OSBP2: variants seen among roughly 807,000 people sequenced by gnomAD.
OSBP2 encodes oxysterol-binding protein 2.
A neutral mutation model predicts 96.0 loss-of-function variants in OSBP2; 66 were observed. That is an observed-to-expected ratio of 0.69 (90% CI 0.56 to 0.84). OSBP2 has a LOEUF of 0.84. Among genes scored for constraint, OSBP2 ranks in the 40% least tolerant of loss-of-function variants. The pLI is 0.00. For missense variants in OSBP2, 1,038 were observed against 1,222.7 expected, an observed-to-expected ratio of 0.85 and a Z score of 2.25; for synonymous variants, 525 against 520.9, an observed-to-expected ratio of 1.01 and a Z score of -0.11.
In OSBP2 at chr22:30,741,924, A is replaced by G. The variant is rs547843590; in HGVS notation, c.853+555A>G. On this transcript the variant is annotated intron_variant, in intron 2 of 13. Coordinates refer to ENST00000332585, the MANE Select transcript of OSBP2 (RefSeq NM_030758.4). ...AACCTCTGCCTTCCGTGTTCAAGCAATTATCCTGCCTTAGCCTCCCAAGTA... is the reference window on the plus strand; with the variant it reads ...AACCTCTGCCTTCCGTGTTCAAGCAGTTATCCTGCCTTAGCCTCCCAAGTA... 4.6e-4 allele frequency among the ~76,000 whole-genome samples: 69 copies of G among 150,086 alleles called. 1 individual carries two copies. The South Asian group carries it at 0.014, about 31-fold the overall frequency.
At chr22:30,789,326 A>G (rs2090640719) in intron 2 of OSBP2, among the ~76,000 whole-genome samples, 1 of 152,082 alleles carries the variant, frequency 6.6e-6, no homozygotes, top group Non-Finnish European at 1.5e-5. Context: ...GACAAGAGAG[A>G]GGGGGCCTGA....
intron 2 of OSBP2, among the ~76,000 whole-genome samples, chr22:30,783,311 T>TC (rs1343339037): frequency 4.0e-5 from 5 of 125,940 alleles, no homozygotes; most frequent in Non-Finnish European, 8.4e-5. Context: ...GCTTTTTTTT[T>TC]TTTTTTTTTT....
chr22:30,709,663 G>A lies in OSBP2; in HGVS notation c.644+14110G>A, dbSNP rs2089313166. On this transcript the variant is annotated intron_variant, in intron 1 of 13. Coordinates refer to ENST00000332585, the MANE Select transcript of OSBP2 (RefSeq NM_030758.4). ...CCTGAAGTGCTGAGATTACAGGCAT[G>A]AGCCACCGCACCTGGCCAAATTAGT... is the stretch of plus-strand genomic sequence containing the variant. 3.3e-5 allele frequency among the ~76,000 whole-genome samples: 5 copies of A among 151,834 alleles called. No homozygotes were observed. In the South Asian group the frequency reaches 1.0e-3, roughly 32 times the overall value.
chr22:30,874,193 C>T (rs1306819625), intron 3 of OSBP2, among the ~76,000 whole-genome samples: 1 of 152,120 alleles, frequency 6.6e-6, no homozygotes, highest in African/African-American at 2.4e-5. Context: ...GCCAAGATCG[C>T]ACCACTGCAT....
intron 1 of OSBP2, among the ~76,000 whole-genome samples, chr22:30,734,288 G>A (rs2089820724): frequency 6.6e-6 from 1 of 152,164 alleles, no homozygotes; most frequent in Non-Finnish European, 1.5e-5. Context: ...TTTTGGATAT[G>A]AGCCCTGATG....
At chr22:30,754,418 G>A (rs1167505721) in intron 2 of OSBP2, among the ~76,000 whole-genome samples, 1 of 152,176 alleles carries the variant, frequency 6.6e-6, no homozygotes, top group Non-Finnish European at 1.5e-5. Context: ...CAGATGCAGG[G>A]AACTCAGAGA....
intron 2 of OSBP2, among the ~76,000 whole-genome samples, chr22:30,796,572 C>A (rs184421857): frequency 6.6e-6 from 1 of 152,156 alleles, no homozygotes; most frequent in Admixed American, 6.5e-5. Context: ...GTGATACGAT[C>A]TCAGTTTACT....
chr22:30,787,475 C>A (rs1228576906), intron 2 of OSBP2, among the ~76,000 whole-genome samples: 2 of 152,144 alleles, frequency 1.3e-5, no homozygotes, highest in East Asian at 3.9e-4. Flanking sequence ...GAGTTCCAGA[C>A]CAGCATGACC....
intron 1 of OSBP2, among the ~76,000 whole-genome samples, chr22:30,713,079 AT>A (rs136387): frequency 0.8 from 98,230 of 123,326 alleles, 38,755 homozygotes; most frequent in East Asian, 0.97. Context: ...CACTTGGCTA[AT>A]TTTTTTTTTT....
chr22:30,793,094 A>G (rs1021973331), intron 2 of OSBP2, among the ~76,000 whole-genome samples: 6 of 152,238 alleles, frequency 3.9e-5, no homozygotes, highest in Admixed American at 3.9e-4. Flanking sequence ...GGTTGACTTG[A>G]AAAAGGATTT....
At position 30,713,461 on chromosome 22, in the gene OSBP2, G is replaced by GTTATTTATTTAT. The variant is rs71328864; in HGVS notation, c.644+17916_644+17927dup. ...AAGTATTTTATTTTATTTTTAAAAT[G>GTTATTTATTTAT]TTATTTATTTATTTATTTAGACAGG... On this transcript the variant is annotated intron_variant, in intron 1 of 13. Coordinates refer to ENST00000332585, the MANE Select transcript of OSBP2 (RefSeq NM_030758.4). Among the ~76,000 whole-genome samples, 585 of 149,862 alleles carry GTTATTTATTTAT rather than the reference G, an allele frequency of 3.9e-3. 1 individual carries two copies. Among genetic ancestry groups the GTTATTTATTTAT allele is most frequent in the Non-Finnish European group, 6.2e-3 (418 of 67,462 alleles).
chr22:30,814,113 G>A (rs574372618), intron 2 of OSBP2, among the ~76,000 whole-genome samples: 2 of 152,144 alleles, frequency 1.3e-5, no homozygotes, highest in Admixed American at 6.5e-5. Flanking sequence ...TTGAGTGCCC[G>A]CCTGTGCTGG....
chr22:30,893,555 T>G lies in OSBP2; in HGVS notation c.2083T>G (p.Trp695Gly). ...TCACAACATCATCGTGGGCAAGCTCTGGATCGACCAGGTCAGGGGCGCCCT... is the reference window on the plus strand; with the variant it reads ...TCACAACATCATCGTGGGCAAGCTCGGGATCGACCAGGTCAGGGGCGCCCT... ...TVHNIIVGKL[W>G]IDQSGDIEIV... Residue 695 changes from tryptophan to glycine, a missense_variant, in exon 10 of 14, where the codon TGG becomes GGG. By Grantham distance (184) the Trp-to-Gly change is radical. This residue lies in a region of OSBP2 where 737 missense variants were observed against 913.3 expected (regional missense o/e 0.81). Coordinates refer to ENST00000332585, the MANE Select transcript of OSBP2 (RefSeq NM_030758.4). 4.3e-6 allele frequency: 7 copies of G among 1,612,828 alleles called. No individual in the cohort carries two copies. Among genetic ancestry groups the G allele is most frequent in the South Asian group, 1.1e-5 (1 of 91,064 alleles).
intron 12 of OSBP2, among the ~76,000 whole-genome samples, chr22:30,900,122 C>T (rs983948712): frequency 6.6e-6 from 1 of 152,002 alleles, no homozygotes; most frequent in African/African-American, 2.4e-5. Context: ...GGCGTGGCGG[C>T]GCATGCCTGT....
intron 2 of OSBP2, among the ~76,000 whole-genome samples, chr22:30,855,217 G>A (rs1476587589): frequency 6.6e-6 from 1 of 152,144 alleles, no homozygotes; most frequent in Non-Finnish European, 1.5e-5. Flanking sequence ...ATTTTGGAAG[G>A]GGCTTCTAAC....
intron 8 of OSBP2, among the ~76,000 whole-genome samples, chr22:30,891,345 T>A (rs2039943299): frequency 6.6e-6 from 1 of 152,150 alleles, no homozygotes; most frequent in Non-Finnish European, 1.5e-5. Flanking sequence ...AGGAGGAGCC[T>A]GGGTGCGGTG....
intron 2 of OSBP2, among the ~76,000 whole-genome samples, chr22:30,823,594 G>A (rs1011100510): frequency 3.9e-5 from 6 of 152,188 alleles, no homozygotes; most frequent in African/African-American, 7.2e-5. Flanking sequence ...TATGCTAATG[G>A]CTTCATAAGA....
intron 2 of OSBP2, among the ~76,000 whole-genome samples, chr22:30,779,378 G>A (rs1245621486): frequency 6.6e-6 from 1 of 151,838 alleles, no homozygotes; most frequent in African/African-American, 2.4e-5. Context: ...TGGGATTACA[G>A]GCATCAGCCA....
chr22:30,759,888 C>G (rs893094619), intron 2 of OSBP2, among the ~76,000 whole-genome samples: 1 of 151,672 alleles, frequency 6.6e-6, no homozygotes, highest in African/African-American at 2.4e-5. Context: ...GAGACAGTGT[C>G]TCGCTCTGTT....
Sources: allele counts gnomAD v4.1 joint callset (sites outside exome capture counted in the v4.1 genomes callset), GRCh38; gene constraint gnomAD v4.1.1; regional missense constraint gnomAD v4.1.1; transcripts MANE v1.5; gene names NCBI Gene and HGNC (gene_info 2026-07-23, HGNC 2026-07-21).